The following CNBD1 variants were observed in gnomAD, a reference collection of about 807,000 sequenced individuals.
The protein encoded by CNBD1 is cyclic nucleotide-binding domain-containing protein 1.
Under a neutral mutation model 54.4 loss-of-function variants are expected in CNBD1, and 71 were observed. That is an observed-to-expected ratio of 1.30 (90% CI 1.08 to 1.59). The LOEUF (loss-of-function observed/expected upper bound fraction) is 1.59, where lower values mean the gene tolerates loss of function less well. Among genes scored for constraint, CNBD1 ranks in the 40% most tolerant of loss-of-function variants. The pLI is 0.00. For synonymous variants in CNBD1, 182 were observed against 170.7 expected (o/e 1.07, Z -0.51); for missense variants, 659 against 518.0 (o/e 1.27, Z -2.64).
Position 87,237,124 on chromosome 8 carries a change from G to A in CNBD1, c.771+12G>A, listed in dbSNP as rs1036518714. 5.8e-6 allele frequency: 9 copies of A among 1,542,742 alleles called. No individual in the cohort carries two copies. Among genetic ancestry groups the A allele is most frequent in the Non-Finnish European group, 7.0e-6 (8 of 1,135,778 alleles). The stretch of plus-strand genomic sequence containing the variant: ...CATATGACTCAATGGTAAGAGATGA[G>A]TATTTGCTTTTTCCACAAGCAACAA... On this transcript the variant is annotated intron_variant, in intron 6 of 10. Transcript: ENST00000518476.
At chr8:87,187,172 A>T (rs1217310250) in intron 4 of CNBD1, among the ~76,000 whole-genome samples, 1 of 150,124 alleles carries the variant, frequency 6.7e-6, no homozygotes, top group Non-Finnish European at 1.5e-5. Flanking sequence ...AAAGATTTAT[A>T]TAGCTATATC....
At chr8:86,953,875 A>G (rs990351750) in intron 4 of CNBD1, among the ~76,000 whole-genome samples, 4 of 144,396 alleles carry the variant, frequency 2.8e-5, no homozygotes, top group Non-Finnish European at 4.4e-5. Flanking sequence ...TCAAAAAAAT[A>G]AAAAAATCCT....
chr8:87,375,505 A>G (rs558369792), intron 10 of CNBD1, among the ~76,000 whole-genome samples: 2 of 151,862 alleles, frequency 1.3e-5, no homozygotes, highest in Non-Finnish European at 2.9e-5. Context: ...AGTTTACAAT[A>G]ACCATCTTTT....
chr8:87,226,248 T>C (rs1419128317), intron 5 of CNBD1, among the ~76,000 whole-genome samples: 2 of 151,634 alleles, frequency 1.3e-5, no homozygotes, highest in Admixed American at 1.3e-4. Context: ...CCTTCAGTTC[T>C]GCTCTGATTT....
At chr8:86,953,853 C>A (rs559199713) in intron 4 of CNBD1, among the ~76,000 whole-genome samples, 1 of 151,848 alleles carries the variant, frequency 6.6e-6, no homozygotes, top group Non-Finnish European at 1.5e-5. Flanking sequence ...GGTGACAGAG[C>A]GAGACTCTGT....
At chr8:87,127,116 T>C (rs1563478755) in intron 4 of CNBD1, among the ~76,000 whole-genome samples, 1 of 152,012 alleles carries the variant, frequency 6.6e-6, no homozygotes, top group Admixed American at 6.5e-5. Flanking sequence ...ATTGCTCTTA[T>C]TTTTCAAAAT....
intron 5 of CNBD1, among the ~76,000 whole-genome samples, chr8:87,224,514 G>T (rs1236910144): frequency 1.3e-5 from 2 of 151,180 alleles, no homozygotes; most frequent in Admixed American, 1.3e-4. Flanking sequence ...TTTCCCCATT[G>T]CTTGTTTTTC....
At chr8:87,229,491 C>T (rs904525731) in intron 5 of CNBD1, among the ~76,000 whole-genome samples, 1 of 152,028 alleles carries the variant, frequency 6.6e-6, no homozygotes, top group African/African-American at 2.4e-5. Flanking sequence ...TTTAATTGTT[C>T]TTTGACACCT....
intron 2 of CNBD1, among the ~76,000 whole-genome samples, chr8:86,899,713 C>A (rs1808904264): frequency 6.6e-6 from 1 of 152,096 alleles, no homozygotes; most frequent in Non-Finnish European, 1.5e-5. Flanking sequence ...TCCAGGTGAT[C>A]TTTCTGTGAA....
chr8:87,286,518 G>C (rs999182920), intron 7 of CNBD1, 21 bp from the exon 8 acceptor site: 1 of 1,319,184 alleles, frequency 7.6e-7, no homozygotes, highest in Non-Finnish European at 1.1e-6. Context: ...TTAAAAATTT[G>C]ATAATGACAT....
intron 4 of CNBD1, among the ~76,000 whole-genome samples, chr8:86,980,436 T>G (rs1808462126): frequency 6.6e-6 from 1 of 152,228 alleles, no homozygotes; most frequent in Non-Finnish European, 1.5e-5. Context: ...TGCTCTGTAT[T>G]TACACCTCAA....
intron 10 of CNBD1, among the ~76,000 whole-genome samples, chr8:87,372,016 G>C (rs534902027): frequency 6.6e-6 from 1 of 151,820 alleles, no homozygotes; most frequent in Admixed American, 6.6e-5. Flanking sequence ...GGAAATAAAG[G>C]GTATTCAATT....
chr8:87,262,135 C>T (rs1201997809), intron 6 of CNBD1, among the ~76,000 whole-genome samples: 1 of 152,228 alleles, frequency 6.6e-6, no homozygotes, highest in South Asian at 2.1e-4. Flanking sequence ...GCCTGGGTGA[C>T]AGACTGAGAC....
Position 86,887,529 on chromosome 8 carries a change from GA to G in CNBD1, c.89-12del, listed in dbSNP as rs749448343. 2.0e-6 allele frequency: 3 copies of G among 1,522,806 alleles called. No homozygotes were observed. The highest frequency in any genetic ancestry group is 1.7e-4 in the Middle Eastern group (1 of 5,880). The allele number at this position is 1,522,806 out of a possible 1,614,324, so 94.3% of individuals were successfully genotyped here. ...TGGAAAATTACTCAAATTTTTAATT[GA>G]TTTTTTTTCAGACTTGAAAAAGTCT... is the stretch of plus-strand genomic sequence containing the variant. On this transcript the variant is annotated splice_polypyrimidine_tract_variant and intron_variant, in intron 1 of 10. Coordinates refer to ENST00000518476, the MANE Select transcript of CNBD1 (RefSeq NM_173538.3).
chr8:87,151,497 G>T (rs1422890326), intron 4 of CNBD1, among the ~76,000 whole-genome samples: 2 of 152,100 alleles, frequency 1.3e-5, no homozygotes, highest in East Asian at 3.9e-4. Flanking sequence ...GTTTTGCAAA[G>T]AAAATTAAAG....
chr8:86,952,281 C>T (rs1264587009), intron 4 of CNBD1, among the ~76,000 whole-genome samples: 1 of 152,122 alleles, frequency 6.6e-6, no homozygotes, highest in African/African-American at 2.4e-5. Flanking sequence ...CATCCTTAAC[C>T]TTGGCAAAAT....
intron 10 of CNBD1, among the ~76,000 whole-genome samples, chr8:87,381,393 G>T (rs1332388920): frequency 6.6e-6 from 1 of 151,950 alleles, no homozygotes; most frequent in Non-Finnish European, 1.5e-5. Context: ...TGTTGACAGG[G>T]ATGTGGAGAA....
intron 4 of CNBD1, among the ~76,000 whole-genome samples, chr8:87,155,593 C>T (rs1812697783): frequency 1.3e-5 from 2 of 152,146 alleles, no homozygotes; most frequent in Admixed American, 6.5e-5. Context: ...GCACAACTCT[C>T]AGATTTCTGA....
chr8:87,327,763 C>A (rs113749868), intron 8 of CNBD1, among the ~76,000 whole-genome samples: 9 of 152,182 alleles, frequency 5.9e-5, no homozygotes, highest in Non-Finnish European at 1.2e-4. Context: ...CACCCGTCTT[C>A]TGCGTCGCTC....
Sources: gnomAD v4.1 joint callset for allele counts (sites outside exome capture counted in the v4.1 genomes callset) on GRCh38, gnomAD v4.1.1 for gene constraint, MANE v1.5 for transcripts, NCBI Gene and HGNC (gene_info 2026-07-23, HGNC 2026-07-21) for gene names.